CCDC141: variants seen among roughly 807,000 people sequenced by gnomAD.
CCDC141 encodes coiled-coil domain-containing protein 141.
In CCDC141, 168 loss-of-function variants were observed where a neutral mutation model predicts 181.0. The observed-to-expected ratio is 0.93, with a 90% CI of 0.82 to 1.05. The LOEUF (loss-of-function observed/expected upper bound fraction) is 1.05. Ranked by LOEUF, CCDC141 falls within the 50% of genes least tolerant of loss-of-function variation. The pLI is 0.00. For missense variants in CCDC141, 1,902 were observed against 1,788.5 expected (o/e 1.06, Z -1.14); for synonymous variants, 666 against 642.3 (o/e 1.04, Z -0.56).
chr2:178,901,135 T>C (rs896706186), intron 8 of CCDC141, among the ~76,000 whole-genome samples: 2 of 151,762 alleles, frequency 1.3e-5, no homozygotes, highest in Non-Finnish European at 2.9e-5. Flanking sequence ...TTGGGCAGAG[T>C]TCTTCAGCTA....
intron 2 of CCDC141, 86 bp downstream of exon 2, chr2:179,047,198 A>G: frequency 6.4e-6 from 8 of 1,258,640 alleles, no homozygotes; most frequent in Non-Finnish European, 7.4e-6. Flanking sequence ...GCCCTAGGCC[A>G]GTAACAGCAG....
At chr2:178,973,769 T>C (rs1213721598) in intron 4 of CCDC141, among the ~76,000 whole-genome samples, 6 of 152,220 alleles carry the variant, frequency 3.9e-5, no homozygotes, top group Non-Finnish European at 7.3e-5. Context: ...GTCAGGTTTC[T>C]GGAGGTAAAA....
chr2:178,845,448 A>C (rs1684893708), intron 22 of CCDC141, among the ~76,000 whole-genome samples, 178 bp downstream of exon 22: 1 of 152,168 alleles, frequency 6.6e-6, no homozygotes, highest in Admixed American at 6.6e-5. Context: ...CAGAGAGAAG[A>C]AGCACCAATA....
intron 2 of CCDC141, among the ~76,000 whole-genome samples, chr2:179,045,097 G>A (rs2043446860): frequency 6.7e-6 from 1 of 149,926 alleles, no homozygotes; most frequent in African/African-American, 2.5e-5. Flanking sequence ...TGCCATGCTG[G>A]TGCACTGCAC....
chr2:178,981,257 C>T (rs1691377261), intron 2 of CCDC141, among the ~76,000 whole-genome samples: 1 of 152,012 alleles, frequency 6.6e-6, no homozygotes, highest in Non-Finnish European at 1.5e-5. Context: ...ATCTAATTGG[C>T]ATTTATAGAA....
At chr2:179,017,502 T>C (rs1157952387) in intron 2 of CCDC141, among the ~76,000 whole-genome samples, 1 of 152,106 alleles carries the variant, frequency 6.6e-6, no homozygotes, top group Admixed American at 6.6e-5. Context: ...TCCCCTGTTT[T>C]AAAGAGTAAT....
chr2:179,021,942 A>G (rs1486045354), intron 2 of CCDC141, among the ~76,000 whole-genome samples: 2 of 152,206 alleles, frequency 1.3e-5, no homozygotes, highest in African/African-American at 4.8e-5. Context: ...CTAATAAAAG[A>G]TAGTATTTTA....
rs551830436 is a variant in CCDC141 at position 178,959,690 on chromosome 2, G to A, written c.780+1540C>T. 3.2e-4 allele frequency among the ~76,000 whole-genome samples: 49 copies of A among 152,210 alleles called. 1 individual carries two copies. The highest frequency in any genetic ancestry group is 1.2e-3 in the African/African-American group (48 of 41,536). Reference sequence around the variant, plus strand: ...ACAACAGAAGCAGGACAGGAGAAGCGGCAGCAGTCAGGGTAAAATGATAAA... The same window carrying A: ...ACAACAGAAGCAGGACAGGAGAAGCAGCAGCAGTCAGGGTAAAATGATAAA... On this transcript the variant is annotated intron_variant, in intron 5 of 23. Coordinates refer to ENST00000443758, the MANE Select transcript of CCDC141 (RefSeq NM_173648.4).
intron 2 of CCDC141, among the ~76,000 whole-genome samples, chr2:178,984,305 C>A (rs1195831106): frequency 6.6e-6 from 1 of 150,422 alleles, no homozygotes. Context: ...TAAAAGAGCT[C>A]CTGAAGGAAG....
chr2:179,011,974 T>G (rs1335779454), intron 2 of CCDC141, among the ~76,000 whole-genome samples: 1 of 151,962 alleles, frequency 6.6e-6, no homozygotes, highest in East Asian at 1.9e-4. Context: ...GCAAAGGTGG[T>G]GCTAAGAGGA....
intron 8 of CCDC141, among the ~76,000 whole-genome samples, chr2:178,897,491 T>G (rs551137503): frequency 6.6e-6 from 1 of 152,260 alleles, no homozygotes; most frequent in Admixed American, 6.5e-5. Flanking sequence ...AATATGAAGA[T>G]CTACATTAAG....
At chr2:178,950,304 T>G (rs1689899771) in intron 5 of CCDC141, among the ~76,000 whole-genome samples, 1 of 152,234 alleles carries the variant, frequency 6.6e-6, no homozygotes, top group South Asian at 2.1e-4. Context: ...CTGCTTTGAT[T>G]TTGAAGGCAT....
At chr2:179,040,334 T>C (rs539981963) in intron 2 of CCDC141, among the ~76,000 whole-genome samples, 7 of 152,358 alleles carry the variant, frequency 4.6e-5, no homozygotes, top group African/African-American at 1.7e-4. Flanking sequence ...CAGTGTCTTC[T>C]AAAGAGCATA....
At chr2:178,904,420 C>A (rs1446310499) in intron 8 of CCDC141, among the ~76,000 whole-genome samples, 1 of 152,160 alleles carries the variant, frequency 6.6e-6, no homozygotes, top group Non-Finnish European at 1.5e-5. Context: ...ACCAAATCAA[C>A]ACCTTTAAAC....
At chr2:178,893,364 A>C (rs956595267) in intron 8 of CCDC141, among the ~76,000 whole-genome samples, 1 of 151,982 alleles carries the variant, frequency 6.6e-6, no homozygotes, top group Non-Finnish European at 1.5e-5. Flanking sequence ...TTCCAATGTT[A>C]ATGTGTTCTA....
At position 178,856,362 on chromosome 2, in the gene CCDC141, G is replaced by A. The variant is rs761813572; in HGVS notation, c.2760C>T (p.Phe920=). ...TAGTGTAATTAAACTTCAAATTATT[G>A]AATTTCTTTTTGATATCTTTGAATG... ...KDSFKDIKKK[F]NNLKFNYTKK... is the part of the protein sequence containing the mutation. The change falls in exon 18 of 24, where the codon TTC becomes TTT. Residue 920 remains phenylalanine, a synonymous_variant. Transcript: ENST00000443758. 1.9e-6 allele frequency: 3 copies of A among 1,601,594 alleles called. No homozygotes were observed. Among genetic ancestry groups the A allele is most frequent in the East Asian group, 4.5e-5 (2 of 44,690 alleles).
At chr2:179,015,715 A>T (rs1034760064) in intron 2 of CCDC141, among the ~76,000 whole-genome samples, 2 of 139,664 alleles carry the variant, frequency 1.4e-5, no homozygotes, top group African/African-American at 5.2e-5. Flanking sequence ...TATCTCATAC[A>T]TATCTCATAT....
chr2:178,872,020 ATT>A, intron 13 of CCDC141, 111 bp downstream of exon 13: 1 of 1,047,938 alleles, frequency 9.5e-7, no homozygotes, highest in Admixed American at 2.7e-5. Context: ...ATCACACGAT[ATT>A]TATCCTTTTG....
intron 2 of CCDC141, among the ~76,000 whole-genome samples, chr2:179,034,648 G>A (rs992233493): frequency 4.6e-5 from 7 of 152,096 alleles, no homozygotes; most frequent in African/African-American, 7.2e-5. Flanking sequence ...AATGCTTTCC[G>A]GTTTCCAAAA....
Sources: gnomAD v4.1 joint callset for allele counts (sites outside exome capture counted in the v4.1 genomes callset) on GRCh38, gnomAD v4.1.1 for gene constraint, MANE v1.5 for transcripts, NCBI Gene and HGNC (gene_info 2026-07-23, HGNC 2026-07-21) for gene names.